The following ANKRD44 variants were observed in gnomAD, a reference collection of about 807,000 sequenced individuals.
ANKRD44 encodes the protein ankyrin repeat domain 44.
Under a neutral mutation model 116.0 loss-of-function variants are expected in ANKRD44, and 35 were observed. The ratio of observed to expected loss-of-function variants is 0.30; its 90% CI spans 0.23 to 0.40. ANKRD44 has a LOEUF of 0.40. ANKRD44 is among the 10% of genes least tolerant of loss of function. The probability of loss-of-function intolerance (pLI) is 1.00; values close to 1 mark genes in which losing one functional copy is unlikely to be tolerated. For synonymous variants in ANKRD44, 435 were observed against 461.8 expected (o/e 0.94, Z 0.74); for missense variants, 1,014 against 1,242.6 (o/e 0.82, Z 2.77).
At chr2:197,193,455 CT>C (rs1421944523) in intron 1 of ANKRD44, among the ~76,000 whole-genome samples, 2 of 152,126 alleles carry the variant, frequency 1.3e-5, no homozygotes, top group Admixed American at 1.3e-4. Flanking sequence ...TATTGACCTC[CT>C]TTTTTTCCAT....
intron 1 of ANKRD44, among the ~76,000 whole-genome samples, chr2:197,277,277 G>A (rs770672840): frequency 1.3e-5 from 2 of 152,064 alleles, no homozygotes; most frequent in Non-Finnish European, 2.9e-5. Context: ...AGTGCACCAA[G>A]CCCTTCCCTA....
intron 17 of ANKRD44, among the ~76,000 whole-genome samples, chr2:197,016,724 A>G (rs1157285744): frequency 6.6e-6 from 1 of 152,182 alleles, no homozygotes; most frequent in Non-Finnish European, 1.5e-5. Context: ...TCAAATGAAA[A>G]ACAAAAACTC....
Position 197,201,620 on chromosome 2 carries a change from C to T in ANKRD44, c.28-14514G>A, listed in dbSNP as rs551229137. ...TGTTAAATCTAGATTTGGGAATCTG[C>T]ACTGCACACCTTATGTCAAAACTCA... On this transcript the variant is annotated intron_variant, in intron 1 of 27. Transcript: ENST00000282272. The surrounding 1 kb of genome is among the most constrained non-coding windows in gnomAD (Gnocchi z 4.0). Among the ~76,000 whole-genome samples the T allele has an allele frequency of 6.6e-6, 1 of 152,324 alleles. No individual in the cohort carries two copies. Among genetic ancestry groups the T allele is most frequent in the African/African-American group, 2.4e-5 (1 of 41,564 alleles).
chr2:197,302,775 T>C (rs1433647035), intron 1 of ANKRD44, among the ~76,000 whole-genome samples: 2 of 152,230 alleles, frequency 1.3e-5, no homozygotes, highest in Non-Finnish European at 2.9e-5. Context: ...TTTCTTCCTT[T>C]CTTGAGAAAG....
chr2:197,250,945 A>T (rs2082302371), intron 1 of ANKRD44: 1 of 152,268 alleles, frequency 6.6e-6, no homozygotes, highest in African/African-American at 2.4e-5. Context: ...AAGCCCTTCA[A>T]ATTTCAGATG....
At chr2:197,126,869 T>A (rs576405583) in intron 4 of ANKRD44, among the ~76,000 whole-genome samples, 1 of 151,822 alleles carries the variant, frequency 6.6e-6, no homozygotes, top group Non-Finnish European at 1.5e-5. Context: ...CTCTAAATCC[T>A]AGCTACTCAG....
At chr2:197,198,988 T>C (rs2081031916) in intron 1 of ANKRD44, 1 of 152,148 alleles carries the variant, frequency 6.6e-6, no homozygotes, top group African/African-American at 2.4e-5. Flanking sequence ...AGCACTGGCT[T>C]TCTTTGCTCT....
At chr2:197,109,899 G>A (rs2078524248) in intron 9 of ANKRD44, among the ~76,000 whole-genome samples, 1 of 152,034 alleles carries the variant, frequency 6.6e-6, no homozygotes, top group Non-Finnish European at 1.5e-5. Flanking sequence ...ACAACCTGAT[G>A]GTTCAAGCAT....
intron 1 of ANKRD44, among the ~76,000 whole-genome samples, chr2:197,235,561 A>G (rs1294730966): frequency 6.7e-6 from 1 of 149,688 alleles, no homozygotes; most frequent in East Asian, 2.0e-4. Context: ...GGTTGCAGTG[A>G]GCCGAGATTG....
intron 18 of ANKRD44, among the ~76,000 whole-genome samples, chr2:197,009,716 C>T (rs746638785): frequency 4.6e-5 from 7 of 152,248 alleles, no homozygotes; most frequent in Middle Eastern, 3.4e-3. Flanking sequence ...TCCATTGTTG[C>T]CGCTGGATCC....
intron 2 of ANKRD44, among the ~76,000 whole-genome samples, chr2:197,173,655 G>A (rs571806994): frequency 2.2e-4 from 33 of 152,152 alleles, no homozygotes; most frequent in African/African-American, 7.5e-4. Context: ...TTAAGGTACC[G>A]AGAACAAAGT....
intron 1 of ANKRD44, among the ~76,000 whole-genome samples, chr2:197,240,932 T>C (rs2082077684): frequency 6.6e-6 from 1 of 151,778 alleles, no homozygotes; most frequent in Admixed American, 6.6e-5. Context: ...TTTCCCCAAA[T>C]GCATAATCCA....
At chr2:197,229,602 GATAATATTTATAAGCACTT>G (rs1559168099) in intron 1 of ANKRD44, among the ~76,000 whole-genome samples, 2 of 152,310 alleles carry the variant, frequency 1.3e-5, no homozygotes, top group African/African-American at 4.8e-5. Context: ...AATATTGACA[GATAATATTTATAAGCACTT>G]ATATTGTGCC....
chr2:197,266,205 A>G (rs1274490124), intron 1 of ANKRD44, among the ~76,000 whole-genome samples: 1 of 152,186 alleles, frequency 6.6e-6, no homozygotes, highest in Non-Finnish European at 1.5e-5. Flanking sequence ...AAGACTATCT[A>G]AAGAATTCGC....
intron 2 of ANKRD44, among the ~76,000 whole-genome samples, chr2:197,150,454 C>T (rs1168929583): frequency 6.6e-6 from 1 of 152,044 alleles, no homozygotes; most frequent in Non-Finnish European, 1.5e-5. Context: ...GAGGCTGAGG[C>T]AGGAGAATGG....
At chr2:197,296,251 C>T (rs2083719281) in intron 1 of ANKRD44, 1 of 152,152 alleles carries the variant, frequency 6.6e-6, no homozygotes, top group Non-Finnish European at 1.5e-5. Flanking sequence ...GTCACCTACA[C>T]TCATTCTGAA....
chr2:197,206,196 T>C lies in ANKRD44; in HGVS notation c.28-19090A>G, dbSNP rs140016046. On this transcript the variant is annotated intron_variant, in intron 1 of 27. Transcript: ENST00000282272. ...ACAAAAGTGGTGGCACGACAGAAGA[T>C]GTGCAGCATAGAGATGATGTTTTTT... Among the ~76,000 whole-genome samples the C allele has an allele frequency of 5.2e-3, 790 of 152,308 alleles. 11 individuals are homozygous for C. The highest frequency in any genetic ancestry group is 0.018 in the African/African-American group (745 of 41,562).
intron 1 of ANKRD44, among the ~76,000 whole-genome samples, chr2:197,220,059 A>C (rs1241708250): frequency 6.6e-6 from 1 of 152,120 alleles, no homozygotes; most frequent in Non-Finnish European, 1.5e-5. Flanking sequence ...TCAGCAGAAA[A>C]CTCTATGCAA....
chr2:196,970,782 G>A (rs1040629525), intron 21 of ANKRD44, among the ~76,000 whole-genome samples: 5 of 152,010 alleles, frequency 3.3e-5, no homozygotes, highest in Non-Finnish European at 5.9e-5. Context: ...GCTCACTGCA[G>A]CCTCTACCTC....
Sources: allele counts gnomAD v4.1 joint callset (sites outside exome capture counted in the v4.1 genomes callset), GRCh38; gene constraint gnomAD v4.1.1; non-coding constraint Gnocchi (gnomAD v3.1); transcripts MANE v1.5; gene names NCBI Gene and HGNC (gene_info 2026-07-23, HGNC 2026-07-21).